Variants in CAMK1D observed in about 807,000 individuals in gnomAD.
CAMK1D encodes calcium/calmodulin dependent protein kinase ID, also known as calcium/calmodulin-dependent protein kinase type 1D.
CAMK1D carries 9 observed loss-of-function variants against 47.7 expected under a neutral mutation model. That is an observed-to-expected ratio of 0.19 (90% CI 0.11 to 0.33). The LOEUF (loss-of-function observed/expected upper bound fraction) is 0.33, where lower values mean the gene tolerates loss of function less well. Ranked by LOEUF, CAMK1D falls within the 10% of genes least tolerant of loss-of-function variation. CAMK1D has a pLI of 1.00. For synonymous variants in CAMK1D, 184 were observed against 184.9 expected (o/e 0.99, Z 0.04); for missense variants, 291 against 488.7 (o/e 0.60, Z 3.81).
At chr10:12,790,710 G>T (rs1033045867) in intron 5 of CAMK1D, among the ~76,000 whole-genome samples, 9 of 152,068 alleles carry the variant, frequency 5.9e-5, no homozygotes, top group African/African-American at 2.2e-4. Flanking sequence ...AAAAATGCCT[G>T]TTGAGTGCAG....
chr10:12,798,589 C>T (rs1838291369), intron 6 of CAMK1D, among the ~76,000 whole-genome samples: 1 of 152,166 alleles, frequency 6.6e-6, no homozygotes, highest in African/African-American at 2.4e-5. Flanking sequence ...AGAGCTAGTC[C>T]AGGCTGCGGG....
chr10:12,781,832 G>A (rs1014035080), intron 5 of CAMK1D, among the ~76,000 whole-genome samples: 1 of 151,982 alleles, frequency 6.6e-6, no homozygotes, highest in Admixed American at 6.6e-5. Flanking sequence ...ATTTTTAGTA[G>A]AGACAGGGTT....
At chr10:12,552,835 A>T (rs1283421133) in intron 1 of CAMK1D, among the ~76,000 whole-genome samples, 2 of 152,110 alleles carry the variant, frequency 1.3e-5, no homozygotes, top group Non-Finnish European at 2.9e-5. Flanking sequence ...TCTGCCTTCC[A>T]AGCTCAAGCG....
chr10:12,573,374 G>A (rs1423595930), intron 2 of CAMK1D, among the ~76,000 whole-genome samples: 38 of 150,820 alleles, frequency 2.5e-4, no homozygotes, highest in Admixed American at 2.5e-3. Flanking sequence ...AGAGCTGGTT[G>A]ACTTACACTG....
chr10:12,528,252 C>T (rs903004304), intron 1 of CAMK1D, among the ~76,000 whole-genome samples: 9 of 152,196 alleles, frequency 5.9e-5, no homozygotes, highest in Admixed American at 5.9e-4. Flanking sequence ...TAAGAAGAAG[C>T]ATGTTAATGT....
intron 1 of CAMK1D, among the ~76,000 whole-genome samples, chr10:12,547,437 C>T (rs957606063): frequency 2.6e-5 from 4 of 152,168 alleles, no homozygotes; most frequent in Admixed American, 1.3e-4. Flanking sequence ...AGTGCTCCAT[C>T]GTTCAGCTTT....
At chr10:12,415,737 TA>T (rs1471526858) in intron 1 of CAMK1D, among the ~76,000 whole-genome samples, 2 of 147,408 alleles carry the variant, frequency 1.4e-5, no homozygotes, top group Non-Finnish European at 3.0e-5. Context: ...GGAAGTGGAT[TA>T]AAATTACGTT....
At chr10:12,375,722 G>A (rs1296090740) in intron 1 of CAMK1D, among the ~76,000 whole-genome samples, 1 of 152,110 alleles carries the variant, frequency 6.6e-6, no homozygotes, top group Admixed American at 6.6e-5. Context: ...TCCTCGTTGG[G>A]GTTTCCTCCT....
chr10:12,552,493 G>A (rs543409838), intron 1 of CAMK1D, among the ~76,000 whole-genome samples: 1 of 152,280 alleles, frequency 6.6e-6, no homozygotes, highest in African/African-American at 2.4e-5. Context: ...AAGCCTGTGA[G>A]GACCTGGGGA....
intron 1 of CAMK1D, among the ~76,000 whole-genome samples, chr10:12,525,093 C>A (rs1180246925): frequency 7.2e-5 from 11 of 152,182 alleles, no homozygotes; most frequent in African/African-American, 2.7e-4. Context: ...AAATTGGACT[C>A]ATTCTCGTCA....
chr10:12,488,299 G>C (rs7913187), intron 1 of CAMK1D, among the ~76,000 whole-genome samples: 18,875 of 152,130 alleles, frequency 0.12, 1,425 homozygotes, highest in Non-Finnish European at 0.18. Flanking sequence ...GTGCACCCTG[G>C]ATGAGTATAG....
chr10:12,799,155 C>T (rs909722591), intron 6 of CAMK1D, among the ~76,000 whole-genome samples: 22 of 152,168 alleles, frequency 1.4e-4, no homozygotes, highest in Non-Finnish European at 2.5e-4. Context: ...CAGAAGCCCA[C>T]GACTCGACGC....
chr10:12,718,903 A>T (rs1834260208), intron 3 of CAMK1D, among the ~76,000 whole-genome samples: 2 of 152,136 alleles, frequency 1.3e-5, no homozygotes, highest in Admixed American at 1.3e-4. Flanking sequence ...ACACCCAGAG[A>T]ATCTGTAAGT....
intron 1 of CAMK1D, among the ~76,000 whole-genome samples, chr10:12,370,185 C>G (rs1017690419): frequency 6.6e-6 from 1 of 152,006 alleles, no homozygotes; most frequent in Non-Finnish European, 1.5e-5. Context: ...CCTGTTGCCT[C>G]GTTGTCGCTG....
intron 5 of CAMK1D, among the ~76,000 whole-genome samples, chr10:12,779,527 T>A (rs1274369228): frequency 1.3e-5 from 2 of 152,148 alleles, no homozygotes; most frequent in Non-Finnish European, 2.9e-5. Flanking sequence ...TCCCCTGGGC[T>A]CAGGTGATCC....
intron 1 of CAMK1D, among the ~76,000 whole-genome samples, chr10:12,365,289 A>C (rs1384006974): frequency 6.6e-6 from 1 of 151,800 alleles, no homozygotes; most frequent in Admixed American, 6.6e-5. Context: ...TTGTTTGTCA[A>C]ATGGGGATAA....
chr10:12,658,913 G>A (rs1462315722), intron 2 of CAMK1D, among the ~76,000 whole-genome samples: 1 of 152,152 alleles, frequency 6.6e-6, no homozygotes, highest in Non-Finnish European at 1.5e-5. Context: ...AAGAACCCCA[G>A]GATACAGAAA....
intron 1 of CAMK1D, among the ~76,000 whole-genome samples, chr10:12,535,403 C>T (rs974958328): frequency 1.3e-5 from 2 of 152,324 alleles, no homozygotes; most frequent in East Asian, 1.9e-4. Flanking sequence ...GGACTTTATT[C>T]CCTTCTTCCA....
chr10:12,781,030 C>G (rs765220262), intron 5 of CAMK1D, among the ~76,000 whole-genome samples: 51 of 152,200 alleles, frequency 3.4e-4, no homozygotes, highest in Non-Finnish European at 4.4e-4. Flanking sequence ...TGAGGAGCCC[C>G]ATCCCACACA....
Sources: gnomAD v4.1 joint callset for allele counts (sites outside exome capture counted in the v4.1 genomes callset) on GRCh38, gnomAD v4.1.1 for gene constraint, MANE v1.5 for transcripts, NCBI Gene and HGNC (gene_info 2026-07-23, HGNC 2026-07-21) for gene names.